Variants in DPYD observed in about 807,000 individuals in gnomAD.
DPYD encodes dihydropyrimidine dehydrogenase, also known as dihydropyrimidine dehydrogenase [NADP(+)].
In DPYD, 109 loss-of-function variants were observed where a neutral mutation model predicts 116.2. The observed-to-expected ratio is 0.94, with a 90% CI of 0.80 to 1.10. The LOEUF (loss-of-function observed/expected upper bound fraction) is 1.10, where lower values mean the gene tolerates loss of function less well. Among genes scored for constraint, DPYD ranks in the 50% least tolerant of loss-of-function variants. The probability of loss-of-function intolerance (pLI) is 0.00; values close to 1 mark genes in which losing one functional copy is unlikely to be tolerated. For synonymous variants in DPYD, 440 were observed against 432.0 expected (o/e 1.02, Z -0.23); for missense variants, 1,302 against 1,254.5 (o/e 1.04, Z -0.57).
intron 20 of DPYD, among the ~76,000 whole-genome samples, chr1:97,185,237 T>C (rs1278875957): frequency 6.6e-6 from 1 of 150,910 alleles, no homozygotes; most frequent in Non-Finnish European, 1.5e-5. Flanking sequence ...TAAAGAAGAG[T>C]TAACATCTTC....
intron 8 of DPYD, among the ~76,000 whole-genome samples, chr1:97,660,881 G>C (rs554910886): frequency 6.6e-6 from 1 of 151,910 alleles, no homozygotes. Context: ...CTCACTCCCC[G>C]CTTAAATTTA....
intron 18 of DPYD, among the ~76,000 whole-genome samples, chr1:97,282,834 A>G (rs375003340): frequency 1.1e-4 from 17 of 151,894 alleles, no homozygotes; most frequent in African/African-American, 3.6e-4. Flanking sequence ...TTCTGCTTCT[A>G]TGTTAATTTG....
intron 3 of DPYD, among the ~76,000 whole-genome samples, chr1:97,798,274 T>A (rs1667679479): frequency 6.6e-6 from 1 of 152,072 alleles, no homozygotes; most frequent in Admixed American, 6.6e-5. Context: ...TCTGAATTGT[T>A]ATAGAAAATT....
At chr1:97,292,722 G>GCACA (rs71765073) in intron 18 of DPYD, among the ~76,000 whole-genome samples, 3,041 of 149,862 alleles carry the variant, frequency 0.02, 39 homozygotes, top group South Asian at 0.027. Flanking sequence ...ACACGCGCGA[G>GCACA]CACACACACA....
At chr1:97,470,731 C>G (rs1677600440) in intron 13 of DPYD, among the ~76,000 whole-genome samples, 1 of 152,168 alleles carries the variant, frequency 6.6e-6, no homozygotes, top group African/African-American at 2.4e-5. Context: ...GGCACAGTGG[C>G]TCATGCCTAT....
chr1:97,337,743 G>A (rs1252941605), intron 16 of DPYD, among the ~76,000 whole-genome samples: 2 of 151,188 alleles, frequency 1.3e-5, no homozygotes, highest in African/African-American at 4.9e-5. Context: ...TTAAAAAGCT[G>A]TATTTCCAGA....
At chr1:97,814,918 A>AAAGAAAGAGG (rs3075433) in intron 3 of DPYD, among the ~76,000 whole-genome samples, 38,108 of 84,870 alleles carry the variant, frequency 0.45, 7,480 homozygotes, top group East Asian at 0.68. Context: ...AAAAAAAAAA[A>AAAGAAAGAGG]AAAGAAAGAG....
intron 13 of DPYD, among the ~76,000 whole-genome samples, chr1:97,480,905 A>G (rs55865801): frequency 0.17 from 26,354 of 152,050 alleles, 2,391 homozygotes; most frequent in African/African-American, 0.2. Flanking sequence ...GCTTGAACCC[A>G]GGAGGCGGAG....
chr1:97,265,740 C>T (rs1664185916), intron 18 of DPYD, among the ~76,000 whole-genome samples: 1 of 152,068 alleles, frequency 6.6e-6, no homozygotes. Context: ...TCTTATTAAA[C>T]TTTTAAATAC....
intron 18 of DPYD, among the ~76,000 whole-genome samples, chr1:97,273,651 C>A (rs1317920508): frequency 6.6e-6 from 1 of 152,140 alleles, no homozygotes; most frequent in Non-Finnish European, 1.5e-5. Context: ...GATTGAATTA[C>A]TGCACCAGTT....
chr1:97,173,478 G>T, intron 20 of DPYD, among the ~76,000 whole-genome samples: 1 of 147,380 alleles, frequency 6.8e-6, no homozygotes, highest in South Asian at 2.1e-4. Context: ...CACATAATGT[G>T]TATATATATA....
chr1:97,694,615 G>A (rs182029621), intron 6 of DPYD, among the ~76,000 whole-genome samples: 3 of 152,240 alleles, frequency 2.0e-5, no homozygotes, highest in Non-Finnish European at 2.9e-5. Flanking sequence ...CTGGTCCTCA[G>A]ACAACCCCAT....
intron 16 of DPYD, among the ~76,000 whole-genome samples, chr1:97,363,321 T>G (rs1670845253): frequency 6.6e-6 from 1 of 152,178 alleles, no homozygotes; most frequent in Non-Finnish European, 1.5e-5. Context: ...GGAGAGGATG[T>G]GGAGGAATAG....
At chr1:97,126,698 A>G (rs553993248) in intron 20 of DPYD, among the ~76,000 whole-genome samples, 2 of 152,240 alleles carry the variant, frequency 1.3e-5, no homozygotes, top group East Asian at 3.9e-4. Context: ...GAATCTTGTA[A>G]TATTAATAGC....
At chr1:97,466,183 G>T (rs935629587) in intron 13 of DPYD, among the ~76,000 whole-genome samples, 4 of 152,054 alleles carry the variant, frequency 2.6e-5, no homozygotes, top group Admixed American at 6.6e-5. Context: ...AAAAAAAGTT[G>T]GCAAATAGAA....
chr1:97,609,572 G>A (rs2100744244), intron 8 of DPYD, among the ~76,000 whole-genome samples: 1 of 152,056 alleles, frequency 6.6e-6, no homozygotes, highest in Non-Finnish European at 1.5e-5. Context: ...CTCATTTACA[G>A]ATGACAAACT....
chr1:97,747,867 A>T (rs1431822506), intron 3 of DPYD, among the ~76,000 whole-genome samples: 1 of 152,182 alleles, frequency 6.6e-6, no homozygotes, highest in Admixed American at 6.5e-5. Flanking sequence ...AAACTCTCTG[A>T]CATGACTTTT....
intron 18 of DPYD, among the ~76,000 whole-genome samples, chr1:97,248,065 A>C (rs1662842585): frequency 6.6e-6 from 1 of 152,228 alleles, no homozygotes; most frequent in Admixed American, 6.5e-5. Context: ...AGGAAAATAA[A>C]ATTATAGACC....
intron 18 of DPYD, among the ~76,000 whole-genome samples, chr1:97,251,391 T>TAAAAAAAAAAAAAAAAAAAAGAA (rs1663081408): frequency 1.0e-5 from 1 of 95,360 alleles, no homozygotes; most frequent in East Asian, 3.4e-4. Flanking sequence ...AAACTCTGTC[T>TAAAAAAAAAAAAAAAAAAAAGAA]AAAAAAAAAA....
Sources: gnomAD v4.1 joint callset for allele counts (sites outside exome capture counted in the v4.1 genomes callset) on GRCh38, gnomAD v4.1.1 for gene constraint, MANE v1.5 for transcripts, NCBI Gene and HGNC (gene_info 2026-07-23, HGNC 2026-07-21) for gene names.